The following TAF1B variants were observed in gnomAD, a reference collection of about 807,000 sequenced individuals.
The protein encoded by TAF1B is TATA box-binding protein-associated factor RNA polymerase I subunit B.
TAF1B carries 61 observed loss-of-function variants against 83.9 expected under a neutral mutation model. The observed-to-expected ratio is 0.73, with a 90% CI of 0.59 to 0.90. The LOEUF (loss-of-function observed/expected upper bound fraction) is 0.90. Among genes scored for constraint, TAF1B ranks in the 40% least tolerant of loss-of-function variants. The pLI is 0.00. For missense variants in TAF1B, 625 were observed against 677.0 expected (o/e 0.92, Z 0.85); for synonymous variants, 221 against 224.6 (o/e 0.98, Z 0.14).
chr2:9,918,986 T>C, intron 12 of TAF1B, 55 bp from the exon 13 acceptor site: 1 of 1,413,670 alleles, frequency 7.1e-7, no homozygotes, highest in South Asian at 1.2e-5. Flanking sequence ...TCAGACAATG[T>C]GTTTATGTCC....
At chr2:9,901,313 GA>G (rs1665170461) in intron 8 of TAF1B, among the ~76,000 whole-genome samples, 1 of 152,140 alleles carries the variant, frequency 6.6e-6, no homozygotes, top group Non-Finnish European at 1.5e-5. Flanking sequence ...GAGACTAGCA[GA>G]ATCTGGAATC....
At chr2:9,915,398 AT>A (rs1215852132) in intron 12 of TAF1B, among the ~76,000 whole-genome samples, 9 of 152,242 alleles carry the variant, frequency 5.9e-5, no homozygotes, top group African/African-American at 2.2e-4. Flanking sequence ...CAAATCACAT[AT>A]CCGTTTAAAG....
intron 6 of TAF1B, among the ~76,000 whole-genome samples, chr2:9,873,160 C>G (rs909152755): frequency 6.6e-6 from 1 of 152,178 alleles, no homozygotes; most frequent in Non-Finnish European, 1.5e-5. Context: ...GGTTTCTACT[C>G]TGTGCTAGAG....
chr2:9,867,267 A>T (rs998596466), intron 5 of TAF1B, among the ~76,000 whole-genome samples: 3 of 152,158 alleles, frequency 2.0e-5, no homozygotes, highest in Non-Finnish European at 4.4e-5. Flanking sequence ...GGCTTTAAAC[A>T]GGAGTTTGAA....
intron 8 of TAF1B, among the ~76,000 whole-genome samples, chr2:9,883,762 T>G (rs1302245961): frequency 1.3e-5 from 2 of 152,194 alleles, no homozygotes; most frequent in African/African-American, 4.8e-5. Context: ...AGGGAAAATT[T>G]GAATGTCAAA....
At chr2:9,849,607 T>C in intron 3 of TAF1B, 147 bp downstream of exon 3, 1 of 497,850 alleles carries the variant, frequency 2.0e-6, no homozygotes, top group South Asian at 4.3e-5. Flanking sequence ...CCTATGTCTG[T>C]ATTCATTGTG....
chr2:9,919,117 T>G lies in TAF1B; in HGVS notation c.1342+6T>G. ...AGTAGCATATAAAAAAAGAGGTAAG[T>G]CAAATTTTGTCTTTTTAATACCAAG... On this transcript the variant is annotated splice_donor_region_variant and intron_variant, in intron 13 of 14. Transcript: ENST00000263663. 1.9e-6 allele frequency: 3 copies of G among 1,613,312 alleles called. No individual in the cohort carries two copies. The highest frequency in any genetic ancestry group is 2.5e-6 in the Non-Finnish European group (3 of 1,179,474).
chr2:9,902,597 TATTGTGAGATTATATCACA>T (rs1665214923), intron 8 of TAF1B, among the ~76,000 whole-genome samples: 1 of 152,258 alleles, frequency 6.6e-6, no homozygotes, highest in Non-Finnish European at 1.5e-5. Context: ...AACACTGTTC[TATTGTGAGATTATATCACA>T]ATTCACTTAT....
intron 7 of TAF1B, among the ~76,000 whole-genome samples, chr2:9,881,367 C>G (rs1276100002): frequency 2.0e-5 from 3 of 152,062 alleles, no homozygotes; most frequent in Non-Finnish European, 4.4e-5. Flanking sequence ...CAGTTTTGTC[C>G]TTTAAGTGTT....
rs192000702 is a variant in TAF1B at position 9,911,469 on chromosome 2, C to T, written c.1134-42C>T. On this transcript the variant is annotated intron_variant, in intron 10 of 14. Coordinates refer to ENST00000263663, the MANE Select transcript of TAF1B (RefSeq NM_005680.3). ...AATTCAGAATTTATCTTTCCAAATA[C>T]ATGACTTCTAAATAAATTGATTTGT... 6,424 of 1,407,608 alleles carry T rather than the reference C, an allele frequency of 4.6e-3. 27 individuals are homozygous for T. The highest frequency in any genetic ancestry group is 5.4e-3 in the Non-Finnish European group (5,562 of 1,032,436). The allele number at this position is 1,407,608 out of a possible 1,614,324, so 87.2% of individuals were successfully genotyped here.
intron 14 of TAF1B, among the ~76,000 whole-genome samples, chr2:9,922,698 A>C (rs1183555672): frequency 6.6e-6 from 1 of 152,126 alleles, no homozygotes; most frequent in Non-Finnish European, 1.5e-5. Flanking sequence ...AAGGGCCTTG[A>C]GAATGTAAGG....
chr2:9,858,350 G>C (rs948477472), intron 5 of TAF1B, among the ~76,000 whole-genome samples: 2 of 152,190 alleles, frequency 1.3e-5, no homozygotes. Context: ...GGGCAGCTTT[G>C]CTCCTATGGC....
chr2:9,852,770 G>T (rs1312000352), intron 4 of TAF1B, among the ~76,000 whole-genome samples: 1 of 152,154 alleles, frequency 6.6e-6, no homozygotes, highest in Non-Finnish European at 1.5e-5. Flanking sequence ...AGGATTATAG[G>T]CATGAGCCCC....
chr2:9,887,232 C>T (rs1664707271), intron 8 of TAF1B, among the ~76,000 whole-genome samples: 1 of 152,270 alleles, frequency 6.6e-6, no homozygotes, highest in African/African-American at 2.4e-5. Context: ...TAAGTTTTAA[C>T]AATTTGAGAC....
intron 12 of TAF1B, chr2:9,913,801 AG>A (rs1456714753): frequency 6.6e-6 from 1 of 152,288 alleles, no homozygotes; most frequent in Non-Finnish European, 1.5e-5. Flanking sequence ...GGTAGAAGAG[AG>A]CATAAGCAGC....
intron 2 of TAF1B, chr2:9,846,131 T>TA: frequency 2.1e-6 from 1 of 470,596 alleles, no homozygotes; most frequent in Non-Finnish European, 4.4e-6. Context: ...AGCCTATTGA[T>TA]AGGGCTCAGA....
rs1314351011 is a variant in TAF1B, at chr2:9,868,449, C to T, written c.553+20C>T. ...AATCAGGTAAAAATGAGAACCAAAC[C>T]ATTTCGAATTTTAAAGCTGTTATGC... On this transcript the variant is annotated intron_variant, in intron 6 of 14. Coordinates refer to ENST00000263663, the MANE Select transcript of TAF1B (RefSeq NM_005680.3). 1.3e-6 allele frequency: 2 copies of T among 1,595,174 alleles called. No homozygotes were observed. Among genetic ancestry groups the T allele is most frequent in the Non-Finnish European group, 1.7e-6 (2 of 1,171,080 alleles).
rs558482343 is a variant in TAF1B, at chr2:9,872,065, C to T, written c.553+3636C>T. On this transcript the variant is annotated intron_variant, in intron 6 of 14. Transcript: ENST00000263663. ...ATGTCTGGCTGGGTGTGGTGGCTCA[C>T]GCCTGTAATCCCAGCACTTTGGGAG... Among the ~76,000 whole-genome samples the T allele has an allele frequency of 1.6e-4, 24 of 152,188 alleles. No homozygotes were observed. The South Asian group carries it at 4.4e-3, about 28-fold the overall frequency.
In TAF1B at chr2:9,911,500, G is replaced by C; in HGVS notation, c.1134-11G>C. On this transcript the variant is annotated splice_polypyrimidine_tract_variant and intron_variant, in intron 10 of 14. Transcript: ENST00000263663. ...TTCTAAATAAATTGATTTGTTTATT[G>C]TTATCTCCAGGTCTTTGTCTAATCT... 5 of 1,506,494 alleles carry C rather than the reference G, an allele frequency of 3.3e-6. No homozygotes were observed. The highest frequency in any genetic ancestry group is 4.5e-6 in the Non-Finnish European group (5 of 1,119,972). 93.3% of individuals were successfully genotyped at this position (1,506,494 alleles called of 1,614,324 possible).
Sources: allele counts gnomAD v4.1 joint callset (sites outside exome capture counted in the v4.1 genomes callset), GRCh38; gene constraint gnomAD v4.1.1; transcripts MANE v1.5; gene names NCBI Gene and HGNC (gene_info 2026-07-23, HGNC 2026-07-21).